KRTCAP2: variants seen among roughly 807,000 people sequenced by gnomAD.
The protein encoded by KRTCAP2 is dolichyl-diphosphooligosaccharide--protein glycosyltransferase subunit KCP2.
Under a neutral mutation model 16.5 loss-of-function variants are expected in KRTCAP2, and 10 were observed. That is an observed-to-expected ratio of 0.60 (90% confidence interval 0.37 to 1.02). The LOEUF (loss-of-function observed/expected upper bound fraction) is 1.02. Ranked by LOEUF, KRTCAP2 falls within the 50% of genes least tolerant of loss-of-function variation. The pLI, the probability that KRTCAP2 is intolerant of heterozygous loss-of-function variation, is 0.01. For synonymous variants in KRTCAP2, 68 were observed against 69.8 expected, an observed-to-expected ratio of 0.97 and a Z score of 0.13; for missense variants, 152 against 159.6, an observed-to-expected ratio of 0.95 and a Z score of 0.26.
intron 3 of KRTCAP2, chr1:155,171,645 C>T: frequency 1.1e-6 from 1 of 907,140 alleles, no homozygotes; most frequent in Non-Finnish European, 1.3e-6. Context: ...ATCACTTGAG[C>T]CCAGGAGTTC....
chr1:155,170,585 T>C (rs1223287395), intron 3 of KRTCAP2: 4 of 152,392 alleles, frequency 2.6e-5, no homozygotes, highest in Non-Finnish European at 5.9e-5. Context: ...GTGGTGGAAG[T>C]TGAAGGCCTT....
chr1:155,173,045 G>T, intron 1 of KRTCAP2, 153 bp from the exon 2 acceptor site: 3 of 981,794 alleles, frequency 3.1e-6, no homozygotes, highest in Non-Finnish European at 4.6e-6. Context: ...ACACCGCGCG[G>T]CAACCCCTAC....
chr1:155,173,044 G>T, intron 1 of KRTCAP2, 152 bp from the exon 2 acceptor site: 1 of 977,692 alleles, frequency 1.0e-6, no homozygotes, highest in Admixed American at 2.2e-5. Context: ...CACACCGCGC[G>T]GCAACCCCTA....
At chr1:155,169,878 A>C in intron 3 of KRTCAP2, 21 bp from the exon 4 acceptor site, 1 of 1,538,038 alleles carries the variant, frequency 6.5e-7, no homozygotes, top group Non-Finnish European at 8.9e-7. Flanking sequence ...AAGAAGAACA[A>C]GGAGGGCAAC....
At chr1:155,172,970 G>A in intron 1 of KRTCAP2, 78 bp from the exon 2 acceptor site, 2 of 1,508,692 alleles carry the variant, frequency 1.3e-6, no homozygotes, top group South Asian at 2.3e-5. Context: ...CAGCCGGTCC[G>A]GAAGCTCGGT....
rs1665291601 is a variant in KRTCAP2 at position 155,172,548 on chromosome 1, C to A, written c.223+17G>T. On this transcript the variant is annotated intron_variant, in intron 3 of 4. Transcript: ENST00000295682. ...AGAGGAGAAAGTTCAAATACTCAAG[C>A]TCCAATATTCACTTACTCTCAGGGA... 1 of 1,614,218 alleles carries A rather than the reference C, an allele frequency of 6.2e-7. No homozygotes were observed. Among genetic ancestry groups the A allele is most frequent in the Non-Finnish European group, 8.5e-7 (1 of 1,180,042 alleles).
chr1:155,170,402 C>G (rs1403252414), intron 3 of KRTCAP2: 1 of 151,830 alleles, frequency 6.6e-6, no homozygotes, highest in Non-Finnish European at 1.5e-5. Context: ...ACCAGCTCTG[C>G]CCCATATCTC....
rs372181365 is a variant in KRTCAP2, at chr1:155,169,809, C to A, written c.272G>T (p.Arg91Leu). The A allele has an allele frequency of 6.3e-6, 10 of 1,595,944 alleles. No individual in the cohort carries two copies. The highest frequency in any genetic ancestry group is 2.7e-5 in the African/African-American group (2 of 74,528). ...LALFASGLIH[R>L]VCVTTCFIFS... ...AACATACCAGGTGGTGACACAGACT[C>A]GGTGGATGAGGCCAGATGCAAAGAG... is the stretch of plus-strand genomic sequence containing the variant. The change falls in exon 4 of 5, where the codon CGA (arginine) becomes CTA (leucine). Residue 91 changes from arginine (R) to leucine (L), a missense_variant. Physicochemically the swap from Arg to Leu is moderately radical, Grantham distance 102 (BLOSUM62 -2). Transcript: ENST00000295682.
rs764639348 is a variant in KRTCAP2, at chr1:155,169,438, G to T, written c.*2C>A. On this transcript the variant is annotated 3_prime_UTR_variant, in exon 5 of 5. Coordinates refer to ENST00000295682, the MANE Select transcript of KRTCAP2 (RefSeq NM_173852.4). ...AGAATCAACTTTATTGAACATTCAG[G>T]GTCAGTTTCTCTTCTTGCTCTTGCC... The T allele has an allele frequency of 6.2e-7, 1 of 1,613,744 alleles. No individual in the cohort carries two copies. Among genetic ancestry groups the T allele is most frequent in the Non-Finnish European group, 8.5e-7 (1 of 1,179,824 alleles).
chr1:155,173,012 G>A, intron 1 of KRTCAP2, 120 bp from the exon 2 acceptor site: 1 of 1,103,052 alleles, frequency 9.1e-7, no homozygotes, highest in Admixed American at 2.1e-5. Context: ...TCCCGGGACT[G>A]CAGCCACACG....
chr1:155,171,711 A>C (rs766371438), intron 3 of KRTCAP2: 80 of 559,844 alleles, frequency 1.4e-4, no homozygotes, highest in Non-Finnish European at 1.7e-4. Flanking sequence ...TTAAAACAGT[A>C]GCTGGGTGTG....
chr1:155,169,714 A>G, intron 4 of KRTCAP2, 77 bp downstream of exon 4: 1 of 1,397,536 alleles, frequency 7.2e-7, no homozygotes, highest in East Asian at 2.4e-5. Context: ...GGAAGGAAAA[A>G]CTCTGGCACC....
Position 155,173,234 on chromosome 1 carries a change from C to G in KRTCAP2, c.-10G>C. 6.2e-7 allele frequency: 1 copy of G among 1,613,920 alleles called. No homozygotes were observed. Among genetic ancestry groups the G allele is most frequent in the Non-Finnish European group, 8.5e-7 (1 of 1,179,990 alleles). On this transcript the variant is annotated 5_prime_UTR_variant, in exon 1 of 5. Transcript: ENST00000295682. ...CGGTCCTGTTACCCATCATGCCCCG[C>G]CCGTGAGTCCAACCGGCGCCTCTGG...
chr1:155,172,109 T>C, intron 3 of KRTCAP2: 1 of 1,001,724 alleles, frequency 1.0e-6, no homozygotes, highest in East Asian at 1.0e-4. Flanking sequence ...TATTCTGATT[T>C]GGTCAGGATT....
chr1:155,170,545 TGA>T (rs1007743361), intron 3 of KRTCAP2: 5 of 152,196 alleles, frequency 3.3e-5, no homozygotes, highest in African/African-American at 1.2e-4. Context: ...AGCCAGACAA[TGA>T]GAGTCAATTC....
intron 4 of KRTCAP2, 70 bp from the exon 5 acceptor site, chr1:155,169,630 C>T (rs1665178625): frequency 1.3e-6 from 2 of 1,539,860 alleles, no homozygotes; most frequent in Non-Finnish European, 1.8e-6. Context: ...CTAGGGAAGA[C>T]ACTAGCATCA....
intron 3 of KRTCAP2, chr1:155,172,067 G>T (rs888261588): frequency 6.0e-6 from 6 of 992,594 alleles, no homozygotes; most frequent in Non-Finnish European, 7.2e-6. Context: ...AATTGAACAA[G>T]AATTATTCCA....
chr1:155,171,305 G>T (rs943423212), intron 3 of KRTCAP2: 2 of 236,302 alleles, frequency 8.5e-6, no homozygotes, highest in African/African-American at 2.3e-5. Flanking sequence ...TGTAATCCCA[G>T]CTACTCGGGA....
rs1395750183 is a variant in KRTCAP2, at chr1:155,171,433, A to AG, written c.223+1131_223+1132insC. 11 of 982,270 alleles carry AG rather than the reference A, an allele frequency of 1.1e-5. No individual in the cohort carries two copies. The Admixed American group carries it at 2.5e-4, about 22-fold the overall frequency. The allele number at this position is 982,270 out of a possible 1,614,324, so 60.8% of individuals were successfully genotyped here. A position where few individuals can be genotyped will look rare whatever the true frequency, so the allele number is the denominator to read the frequency against. The stretch of plus-strand genomic sequence containing the variant: ...GACTCCATCTCAAAAAAAAAAAAAA[A>AG]AAGAAGCAAGTGAAGGTAATACATA... On this transcript the variant is annotated intron_variant, in intron 3 of 4. Transcript: ENST00000295682.
Sources: allele counts gnomAD v4.1 joint callset, GRCh38; gene constraint gnomAD v4.1.1; transcripts MANE v1.5; gene names NCBI Gene and HGNC (gene_info 2026-07-23, HGNC 2026-07-21).